RUNX1: variants seen among roughly 807,000 people sequenced by gnomAD.
The protein encoded by RUNX1 is runt-related transcription factor 1.
RUNX1 carries 19 observed loss-of-function variants against 42.8 expected under a neutral mutation model. The ratio of observed to expected loss-of-function variants is 0.44; its 90% confidence interval spans 0.31 to 0.65. The LOEUF is 0.65. Ranked by LOEUF, RUNX1 falls within the 30% of genes least tolerant of loss-of-function variation. The probability of loss-of-function intolerance (pLI) is 0.07; values close to 1 mark genes in which losing one functional copy is unlikely to be tolerated. For missense variants in RUNX1, 528 were observed against 672.0 expected (o/e 0.79, Z 2.37); for synonymous variants, 271 against 289.4 (o/e 0.94, Z 0.64).
At chr21:34,846,904 A>G (rs1374951998) in intron 6 of RUNX1, among the ~76,000 whole-genome samples, 1 of 152,164 alleles carries the variant, frequency 6.6e-6, no homozygotes, top group East Asian at 1.9e-4. Context: ...GCCTTGGAAG[A>G]TTCTCACCTC....
intron 6 of RUNX1, among the ~76,000 whole-genome samples, chr21:34,852,123 G>A (rs1475766193): frequency 1.3e-5 from 2 of 152,140 alleles, no homozygotes; most frequent in African/African-American, 4.8e-5. Context: ...AGCTGAGATG[G>A]CGCCACTGCA....
At chr21:34,959,034 A>C (rs1183155084) in intron 2 of RUNX1, among the ~76,000 whole-genome samples, 2 of 142,550 alleles carry the variant, frequency 1.4e-5, no homozygotes, top group African/African-American at 2.6e-5. Flanking sequence ...GGAACATCAC[A>C]CTCTGGGGAC....
At chr21:34,959,757 A>G (rs1031161672) in intron 2 of RUNX1, among the ~76,000 whole-genome samples, 2 of 152,192 alleles carry the variant, frequency 1.3e-5, no homozygotes, top group Non-Finnish European at 2.9e-5. Flanking sequence ...AGGAAAAAGT[A>G]TCAAGAGCAC....
intron 2 of RUNX1, among the ~76,000 whole-genome samples, chr21:35,009,000 G>C (rs1289515018): frequency 6.6e-6 from 1 of 152,222 alleles, no homozygotes; most frequent in Non-Finnish European, 1.5e-5. Flanking sequence ...GGCTTTAGGA[G>C]AGCAGGTCGT....
rs1236703219 is a variant in RUNX1 at position 34,907,008 on chromosome 21, T to C, written c.59-14045A>G. Among the ~76,000 whole-genome samples the C allele has an allele frequency of 2.0e-5, 3 of 152,180 alleles. No homozygotes were observed. Among genetic ancestry groups the C allele is most frequent in the African/African-American group, 7.2e-5 (3 of 41,428 alleles). The stretch of plus-strand genomic sequence containing the variant: ...AGCAGCCCCAATTCTCCCTCTGACT[T>C]TAGTGAGTGTACAATGCAAATAGGT... On this transcript the variant is annotated intron_variant, in intron 2 of 8. Coordinates refer to ENST00000675419, the MANE Select transcript of RUNX1 (RefSeq NM_001754.5). This position sits in a 1 kb window ranked among gnomAD's most constrained non-coding sequence, Gnocchi z 5.3.
At chr21:35,036,674 A>C (rs2059310976) in intron 2 of RUNX1, among the ~76,000 whole-genome samples, 1 of 152,250 alleles carries the variant, frequency 6.6e-6, no homozygotes, top group Non-Finnish European at 1.5e-5. Flanking sequence ...GCCTCTGCAG[A>C]AAGGCCATTC....
At chr21:35,027,051 C>T (rs1412493798) in intron 2 of RUNX1, among the ~76,000 whole-genome samples, 2 of 152,242 alleles carry the variant, frequency 1.3e-5, no homozygotes, top group Admixed American at 1.3e-4. Context: ...GAGGCAAGGA[C>T]GGGGTCTGTG....
At chr21:34,939,080 C>T (rs2058507478) in intron 2 of RUNX1, among the ~76,000 whole-genome samples, 1 of 152,180 alleles carries the variant, frequency 6.6e-6, no homozygotes, top group Non-Finnish European at 1.5e-5. Context: ...CATGAACATA[C>T]TCTGCCAGTA....
intron 2 of RUNX1, among the ~76,000 whole-genome samples, chr21:34,998,040 C>A (rs577690540): frequency 6.6e-6 from 1 of 152,188 alleles, no homozygotes; most frequent in East Asian, 1.9e-4. Flanking sequence ...CTCTGCCTTG[C>A]CCTGGTGACA....
At chr21:35,047,069 G>A (rs2059401117) in intron 2 of RUNX1, among the ~76,000 whole-genome samples, 1 of 152,084 alleles carries the variant, frequency 6.6e-6, no homozygotes, top group Admixed American at 6.5e-5. Flanking sequence ...TGGCCAGTAA[G>A]GAGAGCCCCA....
chr21:35,023,832 GTA>G (rs2059216749), intron 2 of RUNX1, among the ~76,000 whole-genome samples: 1 of 152,002 alleles, frequency 6.6e-6, no homozygotes, highest in African/African-American at 2.4e-5. Context: ...GCATCTGTGG[GTA>G]CCAGTTTTAT....
chr21:34,791,132 T>A lies in RUNX1; in HGVS notation c.*1003A>T. On this transcript the variant is annotated 3_prime_UTR_variant, in exon 9 of 9. Transcript: ENST00000675419. ...AAATCCTATTAAAAACGTTGCTGCG[T>A]GAGCTACTCACTTGTTTGATTAACA... 1 of 233,662 alleles carries A rather than the reference T, an allele frequency of 4.3e-6. No homozygotes were observed. The highest frequency in any genetic ancestry group is 8.5e-6 in the Non-Finnish European group (1 of 118,026). The allele number at this position is 233,662 out of a possible 1,614,324, so 14.5% of individuals were successfully genotyped here.
intron 2 of RUNX1, among the ~76,000 whole-genome samples, chr21:35,046,125 A>G (rs1327327537): frequency 1.3e-5 from 2 of 152,174 alleles, no homozygotes; most frequent in African/African-American, 4.8e-5. Flanking sequence ...CGTGTGTGAT[A>G]ATTCCAGGGA....
chr21:34,967,641 T>C (rs544822100), intron 2 of RUNX1, among the ~76,000 whole-genome samples: 24 of 152,158 alleles, frequency 1.6e-4, no homozygotes, highest in Admixed American at 9.8e-4. Flanking sequence ...CAGAGTCACA[T>C]TACATAAAAT....
intron 6 of RUNX1, among the ~76,000 whole-genome samples, chr21:34,850,603 C>A (rs1479718916): frequency 6.6e-6 from 1 of 152,168 alleles, no homozygotes; most frequent in Non-Finnish European, 1.5e-5. Flanking sequence ...ATGTCACCCA[C>A]ACGTGACTTT....
rs1179313595 is a variant in RUNX1, at chr21:34,849,433, TTA to T, written c.613+10039_613+10040del. On this transcript the variant is annotated intron_variant, in intron 6 of 8. Transcript: ENST00000675419. ...TATAATATATTATATAGTATATATATTATATATATACTATATATTATAATATA... is the reference window on the plus strand; with the variant it reads ...TATAATATATTATATAGTATATATATTATATATACTATATATTATAATATA... Among the ~76,000 whole-genome samples the T allele has an allele frequency of 7.0e-4, 33 of 47,462 alleles. 1 individual carries two copies. Among genetic ancestry groups the T allele is most frequent in the Non-Finnish European group, 1.2e-3 (30 of 25,186 alleles). The allele number at this position is 47,462 out of a possible 152,430, so 31.1% of individuals were successfully genotyped here.
chr21:34,844,158 G>A (rs1357663328), intron 6 of RUNX1, among the ~76,000 whole-genome samples: 2 of 152,222 alleles, frequency 1.3e-5, no homozygotes, highest in Admixed American at 6.5e-5. Flanking sequence ...GTTGATCAGA[G>A]TAGCTCCTGC....
chr21:35,025,201 T>G (rs2059226677), intron 2 of RUNX1, among the ~76,000 whole-genome samples: 1 of 152,274 alleles, frequency 6.6e-6, no homozygotes, highest in East Asian at 1.9e-4. Flanking sequence ...AGTCACCACT[T>G]AGACATCTTT....
At chr21:34,821,679 A>T (rs1327192730) in intron 7 of RUNX1, 1 of 1,575,606 alleles carries the variant, frequency 6.3e-7, no homozygotes, top group Non-Finnish European at 8.6e-7. Flanking sequence ...TAACATCTCC[A>T]GGGTGCTGTG....
Sources: allele counts gnomAD v4.1 joint callset (sites outside exome capture counted in the v4.1 genomes callset), GRCh38; gene constraint gnomAD v4.1.1; non-coding constraint Gnocchi (gnomAD v3.1); transcripts MANE v1.5; gene names NCBI Gene and HGNC (gene_info 2026-07-23, HGNC 2026-07-21).